Variants in USP49 observed in about 807,000 individuals in gnomAD.
USP49 encodes the protein ubiquitin carboxyl-terminal hydrolase 49.
A neutral mutation model predicts 58.6 loss-of-function variants in USP49; 24 were observed. That is an observed-to-expected ratio of 0.41 (90% CI 0.30 to 0.58). The LOEUF (loss-of-function observed/expected upper bound fraction) is 0.58, where lower values mean the gene tolerates loss of function less well. Ranked by LOEUF, USP49 falls within the 20% of genes least tolerant of loss-of-function variation. The pLI is 0.30. For missense variants in USP49, 703 were observed against 866.1 expected (o/e 0.81, Z 2.36); for synonymous variants, 408 against 365.1 (o/e 1.12, Z -1.34).
intron 2 of USP49, chr6:41,873,037 A>C (rs1381741032): frequency 6.6e-6 from 1 of 152,298 alleles, no homozygotes. Flanking sequence ...AAGAAAGGGA[A>C]ATTGCTCTGC....
intron 3 of USP49, among the ~76,000 whole-genome samples, chr6:41,852,261 G>C (rs937029604): frequency 3.9e-5 from 6 of 152,110 alleles, no homozygotes; most frequent in African/African-American, 1.4e-4. Flanking sequence ...GGAGGCGGAG[G>C]TTGCAGTGAG....
chr6:41,823,427 G>A (rs1161453215), intron 3 of USP49, among the ~76,000 whole-genome samples: 1 of 152,132 alleles, frequency 6.6e-6, no homozygotes, highest in Non-Finnish European at 1.5e-5. Context: ...AGGCAATCTG[G>A]TATCTATGGT....
At chr6:41,872,674 G>A (rs971633120) in intron 2 of USP49, among the ~76,000 whole-genome samples, 20 of 151,642 alleles carry the variant, frequency 1.3e-4, no homozygotes, top group South Asian at 6.3e-4. Flanking sequence ...CGAGACGGGC[G>A]GATCATGAGG....
intron 3 of USP49, among the ~76,000 whole-genome samples, chr6:41,861,708 C>G (rs1561921134): frequency 2.1e-5 from 3 of 145,306 alleles, no homozygotes; most frequent in Non-Finnish European, 1.5e-5. Context: ...TTACGTCACT[C>G]TTTTTTTTTT....
intron 3 of USP49, among the ~76,000 whole-genome samples, chr6:41,837,483 A>G (rs1375863069): frequency 6.6e-6 from 1 of 152,236 alleles, no homozygotes; most frequent in African/African-American, 2.4e-5. Flanking sequence ...TTAAAAGTAA[A>G]ACCTAAAACT....
chr6:41,881,122 T>C (rs1287143938), intron 2 of USP49, among the ~76,000 whole-genome samples: 3 of 150,944 alleles, frequency 2.0e-5, no homozygotes, highest in Non-Finnish European at 4.4e-5. Context: ...TTAGTAGAGA[T>C]GGGGTTTCAC....
rs1773026852 is a variant in USP49, at chr6:41,802,449, T to TTTAC, written c.1561+1356_1561+1357insGTAA. Among the ~76,000 whole-genome samples, 13 of 84,284 alleles carry TTTAC rather than the reference T, an allele frequency of 1.5e-4. 1 individual carries two copies. The allele number at this position is 84,284 out of a possible 152,430, so 55.3% of individuals were successfully genotyped here. A position where few individuals can be genotyped will look rare whatever the true frequency, so the allele number is the denominator to read the frequency against. ...TTTATTTTATTTATTTATTTATTTA[T>TTTAC]TTATTTATTTATTTATTTATTTTTT... is the stretch of plus-strand genomic sequence containing the variant. On this transcript the variant is annotated intron_variant, in intron 5 of 7. Coordinates refer to ENST00000682992, the MANE Select transcript of USP49 (RefSeq NM_001286554.2).
chr6:41,802,449 TTTA>T (rs1773026939), intron 5 of USP49, among the ~76,000 whole-genome samples: 6 of 84,292 alleles, frequency 7.1e-5, no homozygotes, highest in Admixed American at 1.5e-4. Context: ...TATTTATTTA[TTTA>T]TTTATTTATT....
intron 3 of USP49, among the ~76,000 whole-genome samples, chr6:41,807,386 A>C (rs1386240025): frequency 6.6e-6 from 1 of 152,236 alleles, no homozygotes; most frequent in Non-Finnish European, 1.5e-5. Flanking sequence ...AATAAGAGAA[A>C]GAAAGTCCTC....
At chr6:41,887,716 A>G (rs1443594007) in intron 2 of USP49, among the ~76,000 whole-genome samples, 1 of 152,260 alleles carries the variant, frequency 6.6e-6, no homozygotes, top group African/African-American at 2.4e-5. Context: ...CATAGAAGGC[A>G]CGGAGTAGCA....
intron 3 of USP49, among the ~76,000 whole-genome samples, chr6:41,870,880 C>T (rs1240023457): frequency 2.6e-5 from 4 of 151,700 alleles, no homozygotes; most frequent in Admixed American, 6.6e-5. Context: ...AATGAAACCC[C>T]GTTTCTACAA....
chr6:41,845,687 G>T (rs917451144), intron 3 of USP49, among the ~76,000 whole-genome samples: 1 of 152,100 alleles, frequency 6.6e-6, no homozygotes, highest in African/African-American at 2.4e-5. Flanking sequence ...AACACAGTGA[G>T]ACCCTGTCTC....
intron 7 of USP49, chr6:41,797,701 T>C (rs1218370827): frequency 1.7e-5 from 17 of 985,758 alleles, no homozygotes; most frequent in Non-Finnish European, 2.0e-5. Context: ...CAATATCTCC[T>C]TGAGGTTACA....
Position 41,792,355 on chromosome 6 carries a change from T to A in USP49, c.*4178A>T, listed in dbSNP as rs559674540. On this transcript the variant is annotated 3_prime_UTR_variant, in exon 8 of 8. Transcript: ENST00000682992. The stretch of plus-strand genomic sequence containing the variant: ...AATGAAGGTACCATTTCAGGAGGAA[T>A]CATTTTTGTTTGACTTCTGCTATAT... 2.6e-5 allele frequency: 4 copies of A among 152,112 alleles called. No homozygotes were observed. In the South Asian group the frequency reaches 8.3e-4, roughly 32 times the overall value. 9.4% of individuals were successfully genotyped at this position (152,112 alleles called of 1,614,324 possible).
At chr6:41,799,705 A>T in intron 6 of USP49, 125 bp downstream of exon 6, 1 of 782,552 alleles carries the variant, frequency 1.3e-6, no homozygotes, top group East Asian at 2.6e-5. Context: ...TCCATGGAAA[A>T]CACGAGGTCT....
Position 41,796,515 on chromosome 6 carries a change from T to C in USP49, c.*18A>G, listed in dbSNP as rs1360603484. 1 of 716,434 alleles carries C rather than the reference T, an allele frequency of 1.4e-6. No individual in the cohort carries two copies. Among genetic ancestry groups the C allele is most frequent in the Admixed American group, 2.0e-5 (1 of 49,964 alleles). 44.4% of individuals were successfully genotyped at this position (716,434 alleles called of 1,614,324 possible). A position where few individuals can be genotyped will look rare whatever the true frequency, so the allele number is the denominator to read the frequency against. On this transcript the variant is annotated 3_prime_UTR_variant, in exon 8 of 8. Transcript: ENST00000682992. Reference sequence around the variant, plus strand: ...GACACCAATACACAAAAGCCAGTCTTTGATACATGCCTCCCATTCAGGAAA... The same window carrying C: ...GACACCAATACACAAAAGCCAGTCTCTGATACATGCCTCCCATTCAGGAAA...
chr6:41,804,234 T>C (rs1433016756), intron 4 of USP49, among the ~76,000 whole-genome samples: 5 of 152,226 alleles, frequency 3.3e-5, no homozygotes, highest in Admixed American at 6.5e-5. Flanking sequence ...CCATACTGCA[T>C]AGAGACTATA....
intron 3 of USP49, among the ~76,000 whole-genome samples, chr6:41,824,194 T>A (rs1773498752): frequency 6.6e-6 from 1 of 152,198 alleles, no homozygotes; most frequent in South Asian, 2.1e-4. Flanking sequence ...GTCTCTAGTT[T>A]TGATTTTATT....
chr6:41,836,550 G>A (rs2127344859), intron 3 of USP49, among the ~76,000 whole-genome samples: 1 of 152,028 alleles, frequency 6.6e-6, no homozygotes, highest in South Asian at 2.1e-4. Context: ...AGAAGTAAAA[G>A]GCATCCAAAT....
Sources: allele counts gnomAD v4.1 joint callset (sites outside exome capture counted in the v4.1 genomes callset), GRCh38; gene constraint gnomAD v4.1.1; transcripts MANE v1.5; gene names NCBI Gene and HGNC (gene_info 2026-07-23, HGNC 2026-07-21).